KLHL17: variants seen among roughly 807,000 people sequenced by gnomAD.
KLHL17 encodes the protein kelch-like protein 17.
Under a neutral mutation model 64.6 loss-of-function variants are expected in KLHL17, and 71 were observed. The ratio of observed to expected loss-of-function variants is 1.10; its 90% confidence interval spans 0.91 to 1.34. The LOEUF is 1.34. KLHL17 is among the 40% of genes most tolerant of loss of function. The pLI is 0.00. For synonymous variants in KLHL17, 612 were observed against 405.4 expected (o/e 1.51, Z -6.12); for missense variants, 1,140 against 935.0 (o/e 1.22, Z -2.86).
chr1:962,549 T>C, intron 5 of KLHL17, 78 bp downstream of exon 5: 2 of 1,567,468 alleles, frequency 1.3e-6, no homozygotes, highest in Non-Finnish European at 1.7e-6. Flanking sequence ...CACCCTGACC[T>C]TCCCCGAGTT....
chr1:965,118 T>G lies in KLHL17; in HGVS notation c.1856T>G (p.Val619Gly). 1 of 1,612,632 alleles carries G rather than the reference T, an allele frequency of 6.2e-7. No individual in the cohort carries two copies. Among genetic ancestry groups the G allele is most frequent in the Non-Finnish European group, 8.5e-7 (1 of 1,179,868 alleles). Residue 619 changes from valine (V) to glycine (G), a missense_variant, in exon 12 of 12, where the codon GTG (valine) becomes GGG (glycine). Coordinates refer to ENST00000338591, the MANE Select transcript of KLHL17 (RefSeq NM_198317.3). ...TTCACCCGGCGCAGCAGTGTGGGTGTGGCGGTGCTGGAGCTGCTCAATTTC... is the reference window on the plus strand; with the variant it reads ...TTCACCCGGCGCAGCAGTGTGGGTGGGGCGGTGCTGGAGCTGCTCAATTTC... ...CMFTRRSSVG[V>G]AVLELLNFPP...
At position 964,367 on chromosome 1, in the gene KLHL17, G is replaced by A. The variant is rs368028255; in HGVS notation, c.1537G>A (p.Val513Met). The A allele has an allele frequency of 1.4e-4, 218 of 1,555,652 alleles. 1 individual carries two copies. Among genetic ancestry groups the A allele is most frequent in the South Asian group, 1.4e-3 (116 of 85,232 alleles). The change falls in exon 11 of 12, where the codon GTG becomes ATG. Residue 513 changes from valine to methionine, a missense_variant. Transcript: ENST00000338591. ...YEPQVNVWSPVASMLSRRSSA... is the reference protein window; with the variant it reads ...YEPQVNVWSPMASMLSRRSSA... ...CCCCCAGGTGAACGTGTGGTCGCCCGTGGCGTCCATGCTGAGCCGACGCAG... is the reference window on the plus strand; with the variant it reads ...CCCCCAGGTGAACGTGTGGTCGCCCATGGCGTCCATGCTGAGCCGACGCAG...
At position 965,072 on chromosome 1, in the gene KLHL17, T is replaced by C. The variant is rs1642884273; in HGVS notation, c.1810T>C (p.Trp604Arg). 1.2e-6 allele frequency: 2 copies of C among 1,612,550 alleles called. No homozygotes were observed. The highest frequency in any genetic ancestry group is 1.1e-5 in the South Asian group (1 of 91,066). Residue 604 changes from tryptophan to arginine, a missense_variant, in exon 12 of 12, where the codon TGG (tryptophan) becomes CGG (arginine). Transcript: ENST00000338591. Reference protein sequence around the residue: ...IEKYNPRTNKWVAASCMFTRR... With the variant: ...IEKYNPRTNKRVAASCMFTRR... ...GAAGTACAACCCGAGGACCAACAAG[T>C]GGGTGGCCGCATCCTGCATGTTCAC...
At chr1:964,035 C>T in intron 9 of KLHL17, 27 bp downstream of exon 9, 2 of 1,612,094 alleles carry the variant, frequency 1.2e-6, no homozygotes, top group Non-Finnish European at 1.7e-6. Context: ...GCCTGGGGGG[C>T]ATCCCCACCT....
At chr1:962,589 C>G (rs1642708670) in intron 5 of KLHL17, 115 bp from the exon 6 acceptor site, 1 of 1,522,524 alleles carries the variant, frequency 6.6e-7, no homozygotes, top group African/African-American at 1.4e-5. Flanking sequence ...GTGCCCCCAC[C>G]TGTCTGAAGA....
rs1569996793 is a variant in KLHL17 at position 965,064 on chromosome 1, C to T, written c.1802C>T (p.Thr601Ile). The change falls in exon 12 of 12, where the codon ACC becomes ATC. Residue 601 changes from threonine to isoleucine, a missense_variant. Physicochemically the swap from Thr to Ile is moderately conservative, Grantham distance 89 (BLOSUM62 -1). Coordinates refer to ENST00000338591, the MANE Select transcript of KLHL17 (RefSeq NM_198317.3). ...TCCATCGAGAAGTACAACCCGAGGA[C>T]CAACAAGTGGGTGGCCGCATCCTGC... ...LNSIEKYNPR[T>I]NKWVAASCMF... 6.2e-7 allele frequency: 1 copy of T among 1,612,638 alleles called. No homozygotes were observed. Among genetic ancestry groups the T allele is most frequent in the Non-Finnish European group, 8.5e-7 (1 of 1,179,794 alleles).
chr1:962,173 C>T lies in KLHL17; in HGVS notation c.711+126C>T, dbSNP rs971643036. The T allele has an allele frequency of 8.7e-6, 11 of 1,269,784 alleles. No homozygotes were observed. In the Admixed American group the frequency reaches 1.4e-4, roughly 16 times the overall value. The allele number at this position is 1,269,784 out of a possible 1,614,324, so 78.7% of individuals were successfully genotyped here. On this transcript the variant is annotated intron_variant, in intron 4 of 11. Coordinates refer to ENST00000338591, the MANE Select transcript of KLHL17 (RefSeq NM_198317.3). Reference sequence around the variant, plus strand: ...CAATCCTTAGTGCCTGCTGTGTGTCCCCGAGACCTTTCTGGATCTGGGCCC... The same window carrying T: ...CAATCCTTAGTGCCTGCTGTGTGTCTCCGAGACCTTTCTGGATCTGGGCCC...
Position 960,668 on chromosome 1 carries a change from G to C in KLHL17, c.-26G>C. ...TCCGTTAAGCCCGCGGGTCCTCCGC[G>C]AATCGGCGGTGGGTCCGGCAGCCGA... On this transcript the variant is annotated 5_prime_UTR_variant, in exon 1 of 12. Coordinates refer to ENST00000338591, the MANE Select transcript of KLHL17 (RefSeq NM_198317.3). The C allele has an allele frequency of 7.3e-7, 1 of 1,360,684 alleles. No individual in the cohort carries two copies. Among genetic ancestry groups the C allele is most frequent in the South Asian group, 1.5e-5 (1 of 67,938 alleles). The allele number at this position is 1,360,684 out of a possible 1,614,324, so 84.3% of individuals were successfully genotyped here.
rs181477281 is a variant in KLHL17 at position 962,261 on chromosome 1, C to T, written c.712-94C>T. 15,093 of 1,592,926 alleles carry T rather than the reference C, an allele frequency of 9.5e-3. 107 individuals are homozygous for T. The highest frequency in any genetic ancestry group is 0.034 in the Middle Eastern group (202 of 6,016). ...CCCCTCCCAGTATGAACACTCAGCCCCCACCTGCTAACCCTCCCTCCTAGG... is the reference window on the plus strand; with the variant it reads ...CCCCTCCCAGTATGAACACTCAGCCTCCACCTGCTAACCCTCCCTCCTAGG... On this transcript the variant is annotated intron_variant, in intron 4 of 11. Transcript: ENST00000338591.
rs1642902240 is a variant in KLHL17 at position 965,324 on chromosome 1, TTTAG to T, written c.*137_*140del. On this transcript the variant is annotated 3_prime_UTR_variant, in exon 12 of 12. Transcript: ENST00000338591. ...ATGTCTTTATTTAGTTGTTTATTTA[TTTAG>T]TTATTTATCTTATTTATTGAGGGGT... The T allele has an allele frequency of 6.8e-6, 5 of 730,376 alleles. No homozygotes were observed. Among genetic ancestry groups the T allele is most frequent in the African/African-American group, 3.6e-5 (2 of 56,036 alleles). The allele number at this position is 730,376 out of a possible 1,614,324, so 45.2% of individuals were successfully genotyped here. A position where few individuals can be genotyped will look rare whatever the true frequency, so the allele number is the denominator to read the frequency against.
chr1:960,830 G>T (rs1385998808), intron 1 of KLHL17, 30 bp downstream of exon 1: 1 of 988,498 alleles, frequency 1.0e-6, no homozygotes, highest in Non-Finnish European at 1.2e-6. Flanking sequence ...GGCGCGGGGG[G>T]CGGCCTCGGG....
At position 963,474 on chromosome 1, in the gene KLHL17, G is replaced by A; in HGVS notation, c.1325G>A (p.Gly442Asp). ...AALHGLLYSA[G>D]GYDGASCLNS... ...TTGCATGGACTCCTGTACTCGGCCG[G>A]CGGCTATGACGGGGCCTCCTGCCTG... The change falls in exon 8 of 12, where the codon GGC becomes GAC. Residue 442 changes from glycine (G) to aspartate (D), a missense_variant. Coordinates refer to ENST00000338591, the MANE Select transcript of KLHL17 (RefSeq NM_198317.3). 1 of 1,610,552 alleles carries A rather than the reference G, an allele frequency of 6.2e-7. No homozygotes were observed. Among genetic ancestry groups the A allele is most frequent in the Non-Finnish European group, 8.5e-7 (1 of 1,178,336 alleles).
rs1277566199 is a variant in KLHL17 at position 962,403 on chromosome 1, G to A, written c.760G>A (p.Glu254Lys). The A allele has an allele frequency of 7.4e-6, 12 of 1,612,670 alleles. No individual in the cohort carries two copies. In the Admixed American group the frequency reaches 1.7e-4, roughly 22 times the overall value. The part of the protein sequence containing the change: ...SDSLNVPSEE[E>K]VYRAVLSWVK... ...CAGCCTGAACGTGCCTTCAGAGGAG[G>A]AGGTCTACCGAGCCGTCCTGAGCTG... Residue 254 changes from glutamate (E) to lysine (K), a missense_variant, in exon 5 of 12, where the codon GAG becomes AAG. Glu to Lys is a moderately conservative substitution (Grantham distance 56). Transcript: ENST00000338591.
At chr1:962,954 C>T (rs766015728) in intron 6 of KLHL17, 37 bp downstream of exon 6, 5 of 1,523,874 alleles carry the variant, frequency 3.3e-6, no homozygotes, top group African/African-American at 2.7e-5. Flanking sequence ...TGCCCTGTGC[C>T]TTCTACTCCC....
Position 960,586 on chromosome 1 carries a change from G to T in KLHL17, c.-108G>T, listed in dbSNP as rs931314881. 1.0e-6 allele frequency: 1 copy of T among 978,416 alleles called. No individual in the cohort carries two copies. The allele number at this position is 978,416 out of a possible 1,614,324, so 60.6% of individuals were successfully genotyped here. ...CAGCGGCTGCGGGCGGGAGCGGCGG[G>T]AGTGAGCGACACAGAGCGGGCCGCC... is the stretch of plus-strand genomic sequence containing the variant. On this transcript the variant is annotated 5_prime_UTR_variant, in exon 1 of 12. Transcript: ENST00000338591.
rs371082656 is a variant in KLHL17, at chr1:962,895, C to T, written c.1020C>T (p.Ala340=). ...SRTRPRRCEG[A]GPVLFAVGGG... is the part of the protein sequence containing the mutation. Reference sequence around the variant, plus strand: ...CACGTCCCCGGCGCTGCGAGGGGGCCGGGCCTGTGCTTTTTGCTGTGGGTA... The same window carrying T: ...CACGTCCCCGGCGCTGCGAGGGGGCTGGGCCTGTGCTTTTTGCTGTGGGTA... Residue 340 remains alanine (A), a synonymous_variant, in exon 6 of 12, where the codon GCC becomes GCT. Coordinates refer to ENST00000338591, the MANE Select transcript of KLHL17 (RefSeq NM_198317.3). 109 of 1,556,616 alleles carry T rather than the reference C, an allele frequency of 7.0e-5. No homozygotes were observed. The highest frequency in any genetic ancestry group is 8.8e-5 in the Non-Finnish European group (102 of 1,155,310).
intron 5 of KLHL17, 109 bp downstream of exon 5, chr1:962,580 T>C (rs1444405061): frequency 5.3e-6 from 8 of 1,522,038 alleles, no homozygotes; most frequent in Middle Eastern, 2.4e-4. Flanking sequence ...GTGGGGGTGG[T>C]GCCCCCACCT....
Position 962,391 on chromosome 1 carries a change from C to A in KLHL17, c.748C>A (p.Pro250Thr). 6.2e-7 allele frequency: 1 copy of A among 1,612,766 alleles called. No homozygotes were observed. The highest frequency in any genetic ancestry group is 8.5e-7 in the Non-Finnish European group (1 of 1,179,910). The change falls in exon 5 of 12, where the codon CCT (proline) becomes ACT (threonine). Residue 250 changes from proline (P) to threonine (T), a missense_variant. Pro to Thr is a conservative substitution (Grantham distance 38, BLOSUM62 -1). Coordinates refer to ENST00000338591, the MANE Select transcript of KLHL17 (RefSeq NM_198317.3). ...GGTCTCTAGCGACAGCCTGAACGTG[C>A]CTTCAGAGGAGGAGGTCTACCGAGC... ...ELVSSDSLNV[P>T]SEEEVYRAVL...
rs775031446 is a variant in KLHL17, at chr1:963,111, G to T, written c.1045G>T (p.Gly349Cys). 2 of 1,611,436 alleles carry T rather than the reference G, an allele frequency of 1.2e-6. No individual in the cohort carries two copies. Among genetic ancestry groups the T allele is most frequent in the African/African-American group, 2.7e-5 (2 of 74,900 alleles). Reference sequence around the variant, plus strand: ...CCGTCTCCACCTGCCCTCCCCAGGCGGCGGGAGCCTGTTTGCCATCCACGG... The same window carrying T: ...CCGTCTCCACCTGCCCTCCCCAGGCTGCGGGAGCCTGTTTGCCATCCACGG... ...GAGPVLFAVG[G>C]GSLFAIHGDC... is the part of the protein sequence containing the mutation. The change falls in exon 7 of 12, where the codon GGC becomes TGC. Residue 349 changes from glycine (G) to cysteine (C), a missense_variant and splice_region_variant. Gly to Cys is a radical substitution (Grantham distance 159, BLOSUM62 -3). Coordinates refer to ENST00000338591, the MANE Select transcript of KLHL17 (RefSeq NM_198317.3).
Sources: gnomAD v4.1 joint callset for allele counts on GRCh38, gnomAD v4.1.1 for gene constraint, MANE v1.5 for transcripts, NCBI Gene and HGNC (gene_info 2026-07-23, HGNC 2026-07-21) for gene names.